PCDHAC1: variants seen among roughly 807,000 people sequenced by gnomAD.
PCDHAC1 encodes protocadherin alpha-C1.
Under a neutral mutation model 60.0 loss-of-function variants are expected in PCDHAC1, and 42 were observed. The ratio of observed to expected loss-of-function variants is 0.70; its 90% CI spans 0.55 to 0.90. The LOEUF is 0.90. PCDHAC1 is among the 40% of genes least tolerant of loss of function. The probability of loss-of-function intolerance (pLI) is 0.00; values close to 1 mark genes in which losing one functional copy is unlikely to be tolerated. For synonymous variants in PCDHAC1, 468 were observed against 499.3 expected (o/e 0.94, Z 0.84); for missense variants, 1,160 against 1,222.3 (o/e 0.95, Z 0.76).
chr5:140,952,444 A>C (rs2094747203), intron 1 of PCDHAC1, among the ~76,000 whole-genome samples: 2 of 152,178 alleles, frequency 1.3e-5, no homozygotes. Flanking sequence ...GGCATAATAC[A>C]GCCAGGCTCT....
intron 1 of PCDHAC1, among the ~76,000 whole-genome samples, chr5:140,933,899 G>T (rs2089496307): frequency 6.6e-6 from 1 of 151,508 alleles, no homozygotes; most frequent in African/African-American, 2.4e-5. Flanking sequence ...TGAATATTTT[G>T]GCATAAAGTT....
At chr5:140,956,454 A>G (rs1276644004) in intron 1 of PCDHAC1, among the ~76,000 whole-genome samples, 1 of 152,212 alleles carries the variant, frequency 6.6e-6, no homozygotes, top group African/African-American at 2.4e-5. Flanking sequence ...AATTACATTT[A>G]TTGATTTGCA....
At chr5:140,948,860 T>C (rs2094315023) in intron 1 of PCDHAC1, among the ~76,000 whole-genome samples, 2 of 151,640 alleles carry the variant, frequency 1.3e-5, no homozygotes, top group Non-Finnish European at 3.0e-5. Flanking sequence ...CTTCTTATAT[T>C]ACTTCGGGTT....
intron 1 of PCDHAC1, among the ~76,000 whole-genome samples, chr5:140,933,949 G>A (rs184768008): frequency 6.6e-6 from 1 of 151,792 alleles, no homozygotes; most frequent in African/African-American, 2.4e-5. Flanking sequence ...CACATCTGCA[G>A]GATCTGTAGT....
At chr5:140,968,463 A>G (rs1012242019) in intron 1 of PCDHAC1, 6 of 1,613,994 alleles carry the variant, frequency 3.7e-6, no homozygotes, top group Middle Eastern at 1.6e-4. Context: ...GTGACTGCCA[A>G]CGTATATGTG....
At chr5:140,962,928 A>G (rs1447478531) in intron 1 of PCDHAC1, among the ~76,000 whole-genome samples, 5 of 152,186 alleles carry the variant, frequency 3.3e-5, no homozygotes, top group African/African-American at 1.2e-4. Flanking sequence ...GATACTTCTC[A>G]ACCTCCTCTC....
At chr5:140,942,601 GT>G (rs1453167051) in intron 1 of PCDHAC1, among the ~76,000 whole-genome samples, 1 of 130,480 alleles carries the variant, frequency 7.7e-6, no homozygotes, top group Non-Finnish European at 1.6e-5. Flanking sequence ...TAATTATAGT[GT>G]TTATATTTGC....
At chr5:140,948,823 A>G (rs1554218722) in intron 1 of PCDHAC1, among the ~76,000 whole-genome samples, 2 of 151,238 alleles carry the variant, frequency 1.3e-5, no homozygotes, top group African/African-American at 4.8e-5. Flanking sequence ...TATTTCATTA[A>G]TTTCTGCTTT....
chr5:140,997,614 A>T (rs1355709943), intron 3 of PCDHAC1, among the ~76,000 whole-genome samples: 2 of 152,148 alleles, frequency 1.3e-5, no homozygotes, highest in African/African-American at 4.8e-5. Context: ...GCATGACTAT[A>T]TAGAGATTTT....
chr5:140,950,040 C>A (rs1053592525), intron 1 of PCDHAC1, among the ~76,000 whole-genome samples: 2 of 151,718 alleles, frequency 1.3e-5, no homozygotes, highest in Non-Finnish European at 3.0e-5. Flanking sequence ...AAGTTACAAC[C>A]ATATAAGACT....
At position 140,927,403 on chromosome 5, in the gene PCDHAC1, C is replaced by T. The variant is rs1276847771; in HGVS notation, c.511C>T (p.Leu171=). 1 of 1,614,146 alleles carries T rather than the reference C, an allele frequency of 6.2e-7. No individual in the cohort carries two copies. The highest frequency in any genetic ancestry group is 8.5e-7 in the Non-Finnish European group (1 of 1,179,974). ...CCTAAGCCCCAGTCAGCACTTTCGC[C>T]TGGACATGGGATCGCGGGTTGACGG... is the stretch of plus-strand genomic sequence containing the variant. ...YSLSPSQHFR[L]DMGSRVDGSE... The change falls in exon 1 of 4, where the codon CTG becomes TTG. Residue 171 remains leucine (L), a synonymous_variant. Transcript: ENST00000253807.
At position 141,009,749 on chromosome 5, in the gene PCDHAC1, A is replaced by G. The variant is rs2098414176; in HGVS notation, c.2704A>G (p.Ile902Val). Residue 902 changes from isoleucine to valine, a missense_variant, in exon 4 of 4, where the codon ATT (isoleucine) becomes GTT (valine). Ile to Val is a conservative substitution (Grantham distance 29). Transcript: ENST00000253807. ...SGPGELPDKFIIPGSPAIISI... is the reference protein window; with the variant it reads ...SGPGELPDKFVIPGSPAIISI... The stretch of plus-strand genomic sequence containing the variant: ...TCCCGGTGAGTTGCCCGACAAATTC[A>G]TTATCCCAGGATCTCCTGCAATCAT... 3 of 1,614,200 alleles carry G rather than the reference A, an allele frequency of 1.9e-6. No homozygotes were observed. The highest frequency in any genetic ancestry group is 1.6e-4 in the Middle Eastern group (1 of 6,062).
In PCDHAC1 at chr5:140,969,100, C is replaced by T. The variant is rs781998624; in HGVS notation, c.2434-9849C>T. ...ATGGCCTCAAAGTGCAGCCTCACTT[C>T]ATTGAAGTTCGAGGGAATGGCTCCC... On this transcript the variant is annotated intron_variant, in intron 1 of 3. Coordinates refer to ENST00000253807, the MANE Select transcript of PCDHAC1 (RefSeq NM_018898.5). The T allele has an allele frequency of 8.7e-6, 14 of 1,614,054 alleles. No individual in the cohort carries two copies. The South Asian group carries it at 8.8e-5, about 10-fold the overall frequency.
intron 3 of PCDHAC1, among the ~76,000 whole-genome samples, chr5:140,994,615 G>C (rs2097641272): frequency 6.6e-6 from 1 of 152,078 alleles, no homozygotes; most frequent in Admixed American, 6.6e-5. Context: ...TGAGGCACGA[G>C]AGTCACTTGA....
rs572947059 is a variant in PCDHAC1 at position 141,007,735 on chromosome 5, A to G, written c.2582-1892A>G. Reference sequence around the variant, plus strand: ...CCACCAGGGAGAACAAAGGTTAACCACTGAAGATAACTTTGGACTCTTATT... The same window carrying G: ...CCACCAGGGAGAACAAAGGTTAACCGCTGAAGATAACTTTGGACTCTTATT... On this transcript the variant is annotated intron_variant, in intron 3 of 3. Coordinates refer to ENST00000253807, the MANE Select transcript of PCDHAC1 (RefSeq NM_018898.5). Among the ~76,000 whole-genome samples, 58 of 152,336 alleles carry G rather than the reference A, an allele frequency of 3.8e-4. 1 individual carries two copies. Among genetic ancestry groups the G allele is most frequent in the South Asian group, 2.9e-3 (14 of 4,824 alleles).
At position 141,012,270 on chromosome 5, in the gene PCDHAC1, G is replaced by A. The variant is rs782033901; in HGVS notation, c.*2333G>A. On this transcript the variant is annotated 3_prime_UTR_variant, in exon 4 of 4. Coordinates refer to ENST00000253807, the MANE Select transcript of PCDHAC1 (RefSeq NM_018898.5). ...TATTACAGCTGTAAGGATAAAACAC[G>A]TCATGTGGATTCATTTTGAATTGGT... is the stretch of plus-strand genomic sequence containing the variant. 4 of 153,734 alleles carry A rather than the reference G, an allele frequency of 2.6e-5. No individual in the cohort carries two copies. The highest frequency in any genetic ancestry group is 5.9e-5 in the Non-Finnish European group (4 of 68,028). 9.5% of individuals were successfully genotyped at this position (153,734 alleles called of 1,614,324 possible).
chr5:140,970,751 T>G (rs2096430046), intron 1 of PCDHAC1, among the ~76,000 whole-genome samples: 1 of 152,232 alleles, frequency 6.6e-6, no homozygotes, highest in African/African-American at 2.4e-5. Flanking sequence ...GCAATATATT[T>G]TCATTGACAT....
At chr5:140,958,867 T>C (rs1312043891) in intron 1 of PCDHAC1, among the ~76,000 whole-genome samples, 1 of 152,146 alleles carries the variant, frequency 6.6e-6, no homozygotes, top group Non-Finnish European at 1.5e-5. Context: ...ACTGGGTTTA[T>C]AAAAGAATTG....
rs1413393487 is a variant in PCDHAC1, at chr5:140,941,341, G to T, written c.2433+12016G>T. On this transcript the variant is annotated intron_variant, in intron 1 of 3. Coordinates refer to ENST00000253807, the MANE Select transcript of PCDHAC1 (RefSeq NM_018898.5). ...TCTCTTTTTTTTTTTTTTTCAGATG[G>T]AGTCTTGCTCTGTTGCCTAGGCTGG... Among the ~76,000 whole-genome samples the T allele has an allele frequency of 2.5e-5, 3 of 119,500 alleles. No homozygotes were observed. The East Asian group carries it at 8.2e-4, about 33-fold the overall frequency. 78.4% of individuals were successfully genotyped at this position (119,500 alleles called of 152,430 possible).
Sources: gnomAD v4.1 joint callset for allele counts (sites outside exome capture counted in the v4.1 genomes callset) on GRCh38, gnomAD v4.1.1 for gene constraint, MANE v1.5 for transcripts, NCBI Gene and HGNC (gene_info 2026-07-23, HGNC 2026-07-21) for gene names.